Variants in CEP89 observed in about 807,000 individuals in gnomAD.
CEP89 encodes centrosomal protein of 89 kDa.
Under a neutral mutation model 97.6 loss-of-function variants are expected in CEP89, and 95 were observed. The ratio of observed to expected loss-of-function variants is 0.97; its 90% CI spans 0.82 to 1.15. The LOEUF is 1.15. Among genes scored for constraint, CEP89 ranks in the 50% most tolerant of loss-of-function variants. CEP89 has a pLI of 0.00. For missense variants in CEP89, 869 were observed against 947.7 expected (o/e 0.92, Z 1.09); for synonymous variants, 354 against 349.1 (o/e 1.01, Z -0.16).
intron 5 of CEP89, among the ~76,000 whole-genome samples, chr19:32,946,078 A>G (rs905658441): frequency 6.6e-6 from 1 of 152,080 alleles, no homozygotes; most frequent in Non-Finnish European, 1.5e-5. Context: ...TTTACTCCTT[A>G]GTAGGCAATC....
rs2868196 is a variant in CEP89, at chr19:32,878,979, T to G, written c.*183A>C. ...CCTAGCTCTAAAAAAAAAAAAAAAT[T>G]AAAAAATAAAGCAAAATGTTATCAA... is the stretch of plus-strand genomic sequence containing the variant. On this transcript the variant is annotated 3_prime_UTR_variant, in exon 19 of 19. Coordinates refer to ENST00000305768, the MANE Select transcript of CEP89 (RefSeq NM_032816.5). 2.3e-6 allele frequency: 1 copy of G among 441,794 alleles called. No homozygotes were observed. Among genetic ancestry groups the G allele is most frequent in the Non-Finnish European group, 4.0e-6 (1 of 253,046 alleles). 27.4% of individuals were successfully genotyped at this position (441,794 alleles called of 1,614,324 possible). A position where few individuals can be genotyped will look rare whatever the true frequency, so the allele number is the denominator to read the frequency against.
At chr19:32,910,327 G>C (rs1969974886) in intron 14 of CEP89, among the ~76,000 whole-genome samples, 1 of 151,976 alleles carries the variant, frequency 6.6e-6, no homozygotes, top group Non-Finnish European at 1.5e-5. Context: ...GAGAGAGAGA[G>C]AGAGAAATGG....
At chr19:32,908,283 A>G (rs752693476) in intron 14 of CEP89, among the ~76,000 whole-genome samples, 65 of 152,376 alleles carry the variant, frequency 4.3e-4, no homozygotes, top group Non-Finnish European at 8.1e-4. Flanking sequence ...CAAAGATGCC[A>G]CCAAATCTTT....
intron 13 of CEP89, among the ~76,000 whole-genome samples, chr19:32,917,413 CAA>C (rs1970150238): frequency 1.3e-5 from 2 of 152,212 alleles, no homozygotes; most frequent in Non-Finnish European, 2.9e-5. Context: ...GCAACTGCAG[CAA>C]CAGCAGGGGC....
At chr19:32,946,658 T>G (rs1970803910) in intron 5 of CEP89, among the ~76,000 whole-genome samples, 1 of 152,144 alleles carries the variant, frequency 6.6e-6, no homozygotes. Flanking sequence ...AATTGAATCA[T>G]GGGGCGGTTT....
intron 17 of CEP89, 24 bp downstream of exon 17, chr19:32,887,728 C>T: frequency 6.7e-7 from 1 of 1,481,750 alleles, no homozygotes; most frequent in South Asian, 1.1e-5. Flanking sequence ...AAAATGAAAT[C>T]TCTGAGGCCA....
intron 16 of CEP89, among the ~76,000 whole-genome samples, chr19:32,898,486 C>G (rs1969691345): frequency 6.6e-6 from 1 of 152,110 alleles, no homozygotes; most frequent in Non-Finnish European, 1.5e-5. Context: ...AATAAGTTAT[C>G]ATGTTCGACA....
chr19:32,920,537 G>A (rs2145914269), intron 12 of CEP89, among the ~76,000 whole-genome samples: 1 of 152,058 alleles, frequency 6.6e-6, no homozygotes, highest in Non-Finnish European at 1.5e-5. Context: ...AGGCTGGAGT[G>A]CAGTGGCACG....
At chr19:32,927,078 A>AG in intron 9 of CEP89, 94 bp from the exon 10 acceptor site, 2 of 1,132,490 alleles carry the variant, frequency 1.8e-6, no homozygotes, top group Non-Finnish European at 2.6e-6. Flanking sequence ...GGCATTGCCC[A>AG]TCTATGCATT....
intron 16 of CEP89, among the ~76,000 whole-genome samples, chr19:32,892,048 C>T (rs375912375): frequency 4.7e-5 from 7 of 149,286 alleles, no homozygotes; most frequent in Admixed American, 2.7e-4. Flanking sequence ...CTTCTCCCGA[C>T]GACATTATAG....
intron 11 of CEP89, among the ~76,000 whole-genome samples, chr19:32,924,082 T>C (rs1417027273): frequency 6.7e-6 from 1 of 150,232 alleles, no homozygotes; most frequent in Non-Finnish European, 1.5e-5. Flanking sequence ...CACAGCTCAC[T>C]GCAGCCTCAA....
chr19:32,938,599 G>A (rs537799311), intron 6 of CEP89, among the ~76,000 whole-genome samples: 16 of 152,122 alleles, frequency 1.1e-4, no homozygotes, highest in South Asian at 2.1e-4. Context: ...CTATGACATC[G>A]CACAATGAAA....
rs991916835 is a variant in CEP89 at position 32,918,285 on chromosome 19, C to T, written c.1323G>A (p.Leu441=). 6.2e-7 allele frequency: 1 copy of T among 1,614,166 alleles called. No individual in the cohort carries two copies. Among genetic ancestry groups the T allele is most frequent in the Non-Finnish European group, 8.5e-7 (1 of 1,180,018 alleles). ...KLVLEENKLL[L]EQLEIQQRKA... is the part of the protein sequence containing the mutation. ...TCCTTTGCTGAATCTCCAACTGCTC[C>T]AGCAACAACTTGTTTTCCTCTAAAA... Residue 441 remains leucine (L), a synonymous_variant, in exon 13 of 19, where the codon CTG becomes CTA. Coordinates refer to ENST00000305768, the MANE Select transcript of CEP89 (RefSeq NM_032816.5).
chr19:32,899,811 G>A, intron 16 of CEP89, 46 bp downstream of exon 16: 1 of 1,546,014 alleles, frequency 6.5e-7, no homozygotes, highest in Non-Finnish European at 8.9e-7. Flanking sequence ...AATCACATTT[G>A]CATATTAACT....
At chr19:32,958,180 A>G (rs1173756778) in intron 3 of CEP89, among the ~76,000 whole-genome samples, 1 of 152,126 alleles carries the variant, frequency 6.6e-6, no homozygotes, top group Non-Finnish European at 1.5e-5. Flanking sequence ...CCAGGAAAAA[A>G]AAAAAGGTTA....
At chr19:32,884,395 T>G (rs1050684718) in intron 17 of CEP89, among the ~76,000 whole-genome samples, 1 of 152,174 alleles carries the variant, frequency 6.6e-6, no homozygotes, top group Non-Finnish European at 1.5e-5. Flanking sequence ...CCAAAAAATA[T>G]TGTTTTCCCT....
At chr19:32,959,076 G>A (rs553996265) in intron 3 of CEP89, among the ~76,000 whole-genome samples, 4 of 150,550 alleles carry the variant, frequency 2.7e-5, no homozygotes, top group African/African-American at 9.7e-5. Flanking sequence ...AAATGTGATC[G>A]TGGATCCCTA....
rs1447682185 is a variant in CEP89 at position 32,876,351 on chromosome 19, A to G, written c.*2811T>C. 6.6e-6 allele frequency: 1 copy of G among 152,340 alleles called. No homozygotes were observed. Among genetic ancestry groups the G allele is most frequent in the African/African-American group, 2.4e-5 (1 of 41,448 alleles). 9.4% of individuals were successfully genotyped at this position (152,340 alleles called of 1,614,324 possible). On this transcript the variant is annotated 3_prime_UTR_variant, in exon 19 of 19. Transcript: ENST00000305768. Reference sequence around the variant, plus strand: ...ATGTTCTACAGCTGCTTGACCAGGAATCTTCCAATGCCGTATGAAACCTCA... The same window carrying G: ...ATGTTCTACAGCTGCTTGACCAGGAGTCTTCCAATGCCGTATGAAACCTCA...
chr19:32,917,712 G>A (rs1028417996), intron 13 of CEP89: 14 of 733,808 alleles, frequency 1.9e-5, no homozygotes, highest in Non-Finnish European at 2.2e-5. Context: ...GCTCCTAGGG[G>A]TTGGGGGAAT....
Sources: allele counts gnomAD v4.1 joint callset (sites outside exome capture counted in the v4.1 genomes callset), GRCh38; gene constraint gnomAD v4.1.1; transcripts MANE v1.5; gene names NCBI Gene and HGNC (gene_info 2026-07-23, HGNC 2026-07-21).